Variants in APOH observed in about 807,000 individuals in gnomAD.
APOH encodes the protein beta-2-glycoprotein 1.
APOH carries 48 observed loss-of-function variants against 39.8 expected under a neutral mutation model. The observed-to-expected ratio is 1.21, with a 90% CI of 0.96 to 1.54. The LOEUF (loss-of-function observed/expected upper bound fraction) is 1.54. APOH is among the 40% of genes most tolerant of loss of function. The pLI is 0.00. For missense variants in APOH, 415 were observed against 421.2 expected (o/e 0.99, Z 0.13); for synonymous variants, 153 against 151.1 (o/e 1.01, Z -0.09).
chr17:66,213,793 C>G (rs1003153199), intron 7 of APOH, among the ~76,000 whole-genome samples: 1 of 152,040 alleles, frequency 6.6e-6, no homozygotes, highest in Non-Finnish European at 1.5e-5. Context: ...TAAAAAATAG[C>G]TGGACATGGT....
chr17:66,218,315 A>T (rs1036970498), intron 5 of APOH, among the ~76,000 whole-genome samples: 3 of 147,792 alleles, frequency 2.0e-5, no homozygotes, highest in South Asian at 2.2e-4. Context: ...GACAGAATGT[A>T]TTTTTTTTTT....
rs760615451 is a variant in APOH, at chr17:66,220,648, TGCTGTG to T, written c.504_509del (p.Asp168_Ala170delinsGlu). On this transcript the variant is annotated inframe_deletion, in exon 5 of 8. Coordinates refer to ENST00000205948, the MANE Select transcript of APOH (RefSeq NM_000042.3). ...CATGTTGTGGCAAACATTCAAAAAC[TGCTGTG>T]TCCCGATAGAGGGAATTGTTTCCAG... is the stretch of plus-strand genomic sequence containing the variant. The T allele has an allele frequency of 5.0e-6, 8 of 1,614,066 alleles. No individual in the cohort carries two copies. In the South Asian group the frequency reaches 5.5e-5, roughly 11 times the overall value.
At chr17:66,227,339 T>C (rs2073446342) in intron 2 of APOH, among the ~76,000 whole-genome samples, 1 of 152,134 alleles carries the variant, frequency 6.6e-6, no homozygotes, top group Non-Finnish European at 1.5e-5. Flanking sequence ...AATCACCAGA[T>C]CCATACATCT....
rs376923872 is a variant in APOH at position 66,228,138 on chromosome 17, A to G, written c.123T>C (p.Tyr41=). 5.3e-5 allele frequency: 85 copies of G among 1,614,102 alleles called. No homozygotes were observed. Among genetic ancestry groups the G allele is most frequent in the Non-Finnish European group, 7.1e-5 (84 of 1,180,048 alleles). ...AATACGTAATCTCTTCTCCTGGCTC[A>G]TAGAATGTTTTTAACGGGACCACTG... The part of the protein sequence containing the change: ...FSTVVPLKTF[Y]EPGEEITYSC... The change falls in exon 2 of 8, where the codon TAT becomes TAC. Residue 41 remains tyrosine, a synonymous_variant. Coordinates refer to ENST00000205948, the MANE Select transcript of APOH (RefSeq NM_000042.3).
chr17:66,217,083 G>A, intron 5 of APOH, 116 bp from the exon 6 acceptor site: 2 of 804,394 alleles, frequency 2.5e-6, no homozygotes, highest in East Asian at 3.1e-5. Flanking sequence ...TCCTGTAACT[G>A]GAATGCAATT....
chr17:66,219,484 G>A (rs772301509), intron 5 of APOH, among the ~76,000 whole-genome samples: 7 of 152,160 alleles, frequency 4.6e-5, no homozygotes, highest in Non-Finnish European at 1.0e-4. Context: ...CAGGAGACCA[G>A]TGCCTGGCCC....
chr17:66,217,042 GTC>G, intron 5 of APOH, 75 bp from the exon 6 acceptor site: 2 of 1,236,976 alleles, frequency 1.6e-6, no homozygotes, highest in Non-Finnish European at 2.2e-6. Context: ...TTACATCCTT[GTC>G]TCTGTCACAC....
rs1157005765 is a variant in APOH, at chr17:66,229,364, G to C, written c.16C>G (p.Leu6Val). 1.2e-6 allele frequency: 2 copies of C among 1,613,704 alleles called. No individual in the cohort carries two copies. Among genetic ancestry groups the C allele is most frequent in the African/African-American group, 2.7e-5 (2 of 74,942 alleles). MISPVLILFSSFLCHV... is the reference protein window; with the variant it reads MISPVVILFSSFLCHV... ...CAGAGAAAACTCGAGAACAAGATGAGCACTGGAGAAATCATTGTGGATGAG... is the reference window on the plus strand; with the variant it reads ...CAGAGAAAACTCGAGAACAAGATGACCACTGGAGAAATCATTGTGGATGAG... The change falls in exon 1 of 8, where the codon CTC becomes GTC. Residue 6 changes from leucine (L) to valine (V), a missense_variant. Coordinates refer to ENST00000205948, the MANE Select transcript of APOH (RefSeq NM_000042.3).
chr17:66,222,376 C>T (rs1185141277), intron 4 of APOH, among the ~76,000 whole-genome samples: 3 of 152,122 alleles, frequency 2.0e-5, no homozygotes, highest in African/African-American at 7.2e-5. Context: ...AGAGCAAGAC[C>T]CTACCTCTAA....
chr17:66,216,936 G>T lies in APOH; in HGVS notation c.636C>A (p.Asp212Glu), dbSNP rs1046220831. 7 of 1,606,240 alleles carry T rather than the reference G, an allele frequency of 4.4e-6. No homozygotes were observed. Among genetic ancestry groups the T allele is most frequent in the East Asian group, 2.2e-5 (1 of 44,670 alleles). ...EVKCPFPSRP[D>E]NGFVNYPAKP... ...TTGCAGGATAGTTCACAAATCCATTGTCTGGTCTTGATGGGAATGGGCATT... is the reference window on the plus strand; with the variant it reads ...TTGCAGGATAGTTCACAAATCCATTTTCTGGTCTTGATGGGAATGGGCATT... The change falls in exon 6 of 8, where the codon GAC (aspartate) becomes GAA (glutamate). Residue 212 changes from aspartate (D) to glutamate (E), a missense_variant. Asp to Glu is a conservative substitution (Grantham distance 45). Around this residue, in one of 3 missense-constraint regions of APOH, gnomAD observed 288 missense variants for 284.9 expected, o/e 1.01. Coordinates refer to ENST00000205948, the MANE Select transcript of APOH (RefSeq NM_000042.3).
At chr17:66,215,075 T>G (rs2073356702) in intron 6 of APOH, among the ~76,000 whole-genome samples, 1 of 152,182 alleles carries the variant, frequency 6.6e-6, no homozygotes, top group African/African-American at 2.4e-5. Flanking sequence ...AAAAATTGCC[T>G]TCAGCCATAG....
chr17:66,217,174 C>T (rs1228671890), intron 5 of APOH, among the ~76,000 whole-genome samples: 1 of 152,156 alleles, frequency 6.6e-6, no homozygotes, highest in Non-Finnish European at 1.5e-5. Context: ...AACAACCACA[C>T]TTTGAAAGTA....
intron 1 of APOH, 33 bp downstream of exon 1, chr17:66,229,283 T>C (rs372931697): frequency 2.6e-6 from 4 of 1,568,052 alleles, no homozygotes; most frequent in East Asian, 2.3e-5. Context: ...GTTGGATATA[T>C]TAATTATTTT....
intron 4 of APOH, among the ~76,000 whole-genome samples, chr17:66,222,265 T>TGGTGGCCAG (rs1454140915): frequency 3.9e-5 from 6 of 151,954 alleles, no homozygotes; most frequent in Non-Finnish European, 1.5e-5. Flanking sequence ...GGCGCTCATC[T>TGGTGGCCAG]ATAGTCTCAG....
intron 4 of APOH, among the ~76,000 whole-genome samples, chr17:66,223,044 T>C (rs1440728571): frequency 6.6e-6 from 1 of 152,152 alleles, no homozygotes; most frequent in Non-Finnish European, 1.5e-5. Flanking sequence ...TGGCTGAGGA[T>C]CCTCTGAAAA....
At chr17:66,226,891 A>ATTT (rs1314489486) in intron 2 of APOH, among the ~76,000 whole-genome samples, 11 of 96,644 alleles carry the variant, frequency 1.1e-4, no homozygotes, top group African/African-American at 3.9e-4. Flanking sequence ...TTATTTATTT[A>ATTT]TTTATTTTTT....
chr17:66,220,566 G>A lies in APOH; in HGVS notation c.592C>T (p.Pro198Ser). ...TCATTGCACTTACCCCTGCATTCTG[G>A]TAATTTAGTCCAATTTCCATGTGTC... ...CTTHGNWTKL[P>S]ECREVKCPFP... Residue 198 changes from proline (P) to serine (S), a missense_variant, in exon 5 of 8, where the codon CCA becomes TCA. By Grantham distance (74) the Pro-to-Ser change is moderately conservative. Around this residue, in one of 3 missense-constraint regions of APOH, gnomAD observed 288 missense variants for 284.9 expected, o/e 1.01. Coordinates refer to ENST00000205948, the MANE Select transcript of APOH (RefSeq NM_000042.3). The A allele has an allele frequency of 6.2e-7, 1 of 1,613,968 alleles. No individual in the cohort carries two copies.
intron 5 of APOH, among the ~76,000 whole-genome samples, chr17:66,217,332 T>C (rs1295399715): frequency 1.4e-5 from 2 of 142,942 alleles, no homozygotes; most frequent in African/African-American, 2.7e-5. Context: ...AAAATTAAAA[T>C]GCAAAGACTG....
intron 5 of APOH, among the ~76,000 whole-genome samples, chr17:66,217,901 C>T (rs900807729): frequency 1.3e-5 from 2 of 151,920 alleles, no homozygotes; most frequent in Non-Finnish European, 2.9e-5. Flanking sequence ...TGAGATTGCA[C>T]CATTATGCTC....
Sources: gnomAD v4.1 joint callset for allele counts (sites outside exome capture counted in the v4.1 genomes callset) on GRCh38, gnomAD v4.1.1 for gene constraint, gnomAD v4.1.1 regional missense constraint, MANE v1.5 for transcripts, NCBI Gene and HGNC (gene_info 2026-07-23, HGNC 2026-07-21) for gene names.